The following DACH1 variants were observed in gnomAD, a reference collection of about 807,000 sequenced individuals.
The protein encoded by DACH1 is dachshund family transcription factor 1.
In DACH1, 12 loss-of-function variants were observed where a neutral mutation model predicts 54.2. That is an observed-to-expected ratio of 0.22 (90% confidence interval 0.14 to 0.36). The LOEUF (loss-of-function observed/expected upper bound fraction) is 0.36. DACH1 is among the 10% of genes least tolerant of loss of function. The pLI is 1.00. For missense variants in DACH1, 805 were observed against 929.8 expected (o/e 0.87, Z 1.75); for synonymous variants, 386 against 366.2 (o/e 1.05, Z -0.62).
intron 1 of DACH1, among the ~76,000 whole-genome samples, chr13:71,765,047 A>G (rs1358406055): frequency 6.6e-6 from 1 of 152,122 alleles, no homozygotes; most frequent in Non-Finnish European, 1.5e-5. Flanking sequence ...CCAATTTCCA[A>G]TCTTCAAGTG....
chr13:71,799,173 A>G (rs1887185626), intron 1 of DACH1, among the ~76,000 whole-genome samples: 1 of 152,162 alleles, frequency 6.6e-6, no homozygotes, highest in African/African-American at 2.4e-5. Flanking sequence ...CAGGCCCAGA[A>G]GTGTTTATTT....
intron 1 of DACH1, among the ~76,000 whole-genome samples, chr13:71,755,414 C>A (rs186039050): frequency 6.6e-6 from 1 of 152,074 alleles, no homozygotes; most frequent in African/African-American, 2.4e-5. Flanking sequence ...GTGGGCCAGA[C>A]GAAACTGGTG....
intron 3 of DACH1, among the ~76,000 whole-genome samples, chr13:71,605,587 T>C (rs1478446345): frequency 1.3e-5 from 2 of 152,088 alleles, no homozygotes; most frequent in South Asian, 2.1e-4. Context: ...AAAACATGTA[T>C]GCTTATATCA....
chr13:71,787,063 G>T (rs1033332552), intron 1 of DACH1, among the ~76,000 whole-genome samples: 1 of 152,160 alleles, frequency 6.6e-6, no homozygotes, highest in Non-Finnish European at 1.5e-5. Context: ...TCACACAAGA[G>T]CCTTTTTCTT....
At chr13:71,539,639 G>A (rs1258037378) in intron 6 of DACH1, among the ~76,000 whole-genome samples, 3 of 151,926 alleles carry the variant, frequency 2.0e-5, no homozygotes, top group Admixed American at 6.6e-5. Flanking sequence ...TTGTATTTCT[G>A]GCTAATTCTC....
intron 2 of DACH1, among the ~76,000 whole-genome samples, chr13:71,635,101 C>T (rs1439134004): frequency 6.6e-6 from 1 of 152,152 alleles, no homozygotes; most frequent in Non-Finnish European, 1.5e-5. Flanking sequence ...TGAACAAATC[C>T]TTATCAAATT....
At chr13:71,821,195 T>G (rs1888171593) in intron 1 of DACH1, among the ~76,000 whole-genome samples, 3 of 152,206 alleles carry the variant, frequency 2.0e-5, no homozygotes, top group Admixed American at 2.0e-4. Flanking sequence ...TGAATCCTCT[T>G]ACATGGTGCT....
intron 5 of DACH1, among the ~76,000 whole-genome samples, chr13:71,559,113 CA>C (rs1163000433): frequency 2.0e-5 from 3 of 151,972 alleles, no homozygotes; most frequent in Admixed American, 1.3e-4. Flanking sequence ...TGTACAGACA[CA>C]AAAATCACTT....
At chr13:71,783,166 G>A (rs1458232578) in intron 1 of DACH1, among the ~76,000 whole-genome samples, 2 of 152,162 alleles carry the variant, frequency 1.3e-5, no homozygotes, top group Non-Finnish European at 2.9e-5. Context: ...GAAAGATTAT[G>A]ACATGTAAGG....
chr13:71,703,252 A>ATAGAAGGTT (rs1340664818), intron 1 of DACH1, among the ~76,000 whole-genome samples: 1 of 152,120 alleles, frequency 6.6e-6, no homozygotes, highest in Non-Finnish European at 1.5e-5. Flanking sequence ...TTTCTTCATT[A>ATAGAAGGTT]TAGAAGGTTT....
At chr13:71,736,408 ACCAAAAAGACAC>A (rs1385879014) in intron 1 of DACH1, among the ~76,000 whole-genome samples, 1 of 152,176 alleles carries the variant, frequency 6.6e-6, no homozygotes, top group East Asian at 1.9e-4. Context: ...TATTGAGAAA[ACCAAAAAGACAC>A]CTGATAAAGC....
At chr13:71,707,208 A>G (rs557737277) in intron 1 of DACH1, among the ~76,000 whole-genome samples, 4 of 152,294 alleles carry the variant, frequency 2.6e-5, no homozygotes, top group South Asian at 2.1e-4. Context: ...ATGCAACATA[A>G]TAAAGATGTG....
At chr13:71,568,738 G>A (rs1443509327) in intron 4 of DACH1, among the ~76,000 whole-genome samples, 5 of 152,008 alleles carry the variant, frequency 3.3e-5, no homozygotes, top group African/African-American at 1.2e-4. Flanking sequence ...TCTCCATTAT[G>A]GGGGAAGCTG....
chr13:71,716,829 A>G (rs1262877044), intron 1 of DACH1, among the ~76,000 whole-genome samples: 3 of 152,074 alleles, frequency 2.0e-5, no homozygotes, highest in African/African-American at 7.2e-5. Flanking sequence ...TTTGAATTTA[A>G]TTTATTTTTA....
intron 1 of DACH1, among the ~76,000 whole-genome samples, chr13:71,812,010 C>T (rs1566515931): frequency 6.6e-6 from 1 of 152,094 alleles, no homozygotes; most frequent in Non-Finnish European, 1.5e-5. Context: ...TAAAAACTGA[C>T]TTACAAATTA....
intron 6 of DACH1, among the ~76,000 whole-genome samples, chr13:71,493,424 A>G (rs1879155041): frequency 6.6e-6 from 1 of 152,178 alleles, no homozygotes; most frequent in African/African-American, 2.4e-5. Context: ...ACCTTAAACC[A>G]GAAGCACCCA....
intron 7 of DACH1, among the ~76,000 whole-genome samples, chr13:71,481,013 A>G (rs896201262): frequency 6.6e-6 from 1 of 152,210 alleles, no homozygotes; most frequent in Non-Finnish European, 1.5e-5. Context: ...ACTCAATTCA[A>G]CAACATTCCT....
chr13:71,482,793 G>GTTT (rs10716729), intron 7 of DACH1, among the ~76,000 whole-genome samples: 10 of 67,504 alleles, frequency 1.5e-4, no homozygotes, highest in Non-Finnish European at 1.5e-4. Flanking sequence ...TCAACTGACA[G>GTTT]TTTTTTTTTT....
chr13:71,793,996 C>A (rs1291627763), intron 1 of DACH1, among the ~76,000 whole-genome samples: 1 of 151,978 alleles, frequency 6.6e-6, no homozygotes, highest in Non-Finnish European at 1.5e-5. Flanking sequence ...TGTTTTGAGA[C>A]TTTATAAGGG....
Sources: gnomAD v4.1 joint callset for allele counts (sites outside exome capture counted in the v4.1 genomes callset) on GRCh38, gnomAD v4.1.1 for gene constraint, MANE v1.5 for transcripts, NCBI Gene and HGNC (gene_info 2026-07-23, HGNC 2026-07-21) for gene names.